The following HECA variants were observed in gnomAD, a reference collection of about 807,000 sequenced individuals.
HECA encodes the protein headcase protein homolog.
HECA carries 13 observed loss-of-function variants against 37.6 expected under a neutral mutation model. That is an observed-to-expected ratio of 0.35 (90% CI 0.23 to 0.55). HECA has a LOEUF of 0.55. Ranked by LOEUF, HECA falls within the 20% of genes least tolerant of loss-of-function variation. The probability of loss-of-function intolerance (pLI) is 0.90; values close to 1 mark genes in which losing one functional copy is unlikely to be tolerated. For synonymous variants in HECA, 307 were observed against 291.5 expected (o/e 1.05, Z -0.54); for missense variants, 527 against 701.9 (o/e 0.75, Z 2.82).
At chr6:139,137,755 C>T (rs947823855) in intron 1 of HECA, among the ~76,000 whole-genome samples, 8 of 151,120 alleles carry the variant, frequency 5.3e-5, no homozygotes, top group African/African-American at 1.9e-4. Context: ...GCTACTTGTA[C>T]CTCCTAGTTT....
rs555196596 is a variant in HECA, at chr6:139,147,633, A to C, written c.271+11966A>C. ...TAAAAAAAGAAAAAAAATGCTTGTCATTCTGGTACTTGAACTGAAATTACA... is the reference window on the plus strand; with the variant it reads ...TAAAAAAAGAAAAAAAATGCTTGTCCTTCTGGTACTTGAACTGAAATTACA... On this transcript the variant is annotated intron_variant, in intron 1 of 3. Coordinates refer to ENST00000367658, the MANE Select transcript of HECA (RefSeq NM_016217.3). Among the ~76,000 whole-genome samples the C allele has an allele frequency of 4.6e-5, 7 of 152,346 alleles. No homozygotes were observed. In the South Asian group the frequency reaches 1.4e-3, roughly 32 times the overall value.
At chr6:139,147,079 T>A (rs911791386) in intron 1 of HECA, among the ~76,000 whole-genome samples, 2 of 152,162 alleles carry the variant, frequency 1.3e-5, no homozygotes, top group African/African-American at 4.8e-5. Flanking sequence ...GCAGTCTACA[T>A]TTGAGTATGA....
intron 1 of HECA, among the ~76,000 whole-genome samples, chr6:139,148,035 C>T (rs796652371): frequency 1.7e-4 from 26 of 152,212 alleles, no homozygotes; most frequent in African/African-American, 6.0e-4. Flanking sequence ...ATAATATTTG[C>T]ATTTTTTGGA....
At chr6:139,160,305 G>T (rs1774781307) in intron 1 of HECA, among the ~76,000 whole-genome samples, 1 of 152,196 alleles carries the variant, frequency 6.6e-6, no homozygotes, top group Non-Finnish European at 1.5e-5. Context: ...TTGCTTGTTA[G>T]ATTATCACAG....
intron 1 of HECA, among the ~76,000 whole-genome samples, chr6:139,138,270 T>G (rs1774474998): frequency 6.6e-6 from 1 of 152,174 alleles, no homozygotes; most frequent in Admixed American, 6.5e-5. Context: ...AGGACCAATA[T>G]TTGGATTTTT....
chr6:139,175,782 T>G (rs1775043585), intron 3 of HECA, among the ~76,000 whole-genome samples: 1 of 152,208 alleles, frequency 6.6e-6, no homozygotes, highest in African/African-American at 2.4e-5. Context: ...ATGAGATTAT[T>G]TCCATGTCTT....
chr6:139,176,869 T>C lies in HECA; in HGVS notation c.1468-72T>C. The stretch of plus-strand genomic sequence containing the variant: ...AGCCCTTGATCAGTTTCCCAGCATT[T>C]TGGTTTGGATGACTTTGACAAGTGT... On this transcript the variant is annotated intron_variant, in intron 3 of 3. Transcript: ENST00000367658. This position sits in a 1 kb window ranked among gnomAD's most constrained non-coding sequence, Gnocchi z 4.5. The C allele has an allele frequency of 3.8e-6, 3 of 786,628 alleles. No individual in the cohort carries two copies. The Admixed American group carries it at 5.7e-5, about 15-fold the overall frequency. 48.7% of individuals were successfully genotyped at this position (786,628 alleles called of 1,614,324 possible). A position where few individuals can be genotyped will look rare whatever the true frequency, so the allele number is the denominator to read the frequency against.
rs1353295227 is a variant in HECA, at chr6:139,178,052, C to T, written c.*947C>T. 1 of 152,152 alleles carries T rather than the reference C, an allele frequency of 6.6e-6. No individual in the cohort carries two copies. Among genetic ancestry groups the T allele is most frequent in the Admixed American group, 6.5e-5 (1 of 15,280 alleles). The allele number at this position is 152,152 out of a possible 1,614,324, so 9.4% of individuals were successfully genotyped here. The stretch of plus-strand genomic sequence containing the variant: ...TATGGCCATGTATAACCAATTAATT[C>T]TGAGTTTCCAAAATCAAAGATTTGA... On this transcript the variant is annotated 3_prime_UTR_variant, in exon 4 of 4. Coordinates refer to ENST00000367658, the MANE Select transcript of HECA (RefSeq NM_016217.3).
intron 1 of HECA, among the ~76,000 whole-genome samples, chr6:139,164,080 A>ACTCTCTCTCTCTCT (rs71549028): frequency 4.1e-5 from 6 of 148,068 alleles, no homozygotes; most frequent in African/African-American, 7.5e-5. Context: ...ACACACACAC[A>ACTCTCTCTCTCTCT]CTCTCTCTCT....
intron 1 of HECA, among the ~76,000 whole-genome samples, chr6:139,152,702 A>G (rs780797182): frequency 3.3e-5 from 5 of 152,194 alleles, no homozygotes; most frequent in Non-Finnish European, 7.4e-5. Flanking sequence ...ATATTTTTGT[A>G]AGTACTAGCC....
At chr6:139,154,773 T>G (rs1312291076) in intron 1 of HECA, among the ~76,000 whole-genome samples, 1 of 152,220 alleles carries the variant, frequency 6.6e-6, no homozygotes, top group Non-Finnish European at 1.5e-5. Context: ...TGCGTTGTAA[T>G]TTACATGGTA....
In HECA at chr6:139,174,366, T is replaced by C; in HGVS notation, c.1313-19T>C. 1 of 1,607,904 alleles carries C rather than the reference T, an allele frequency of 6.2e-7. No homozygotes were observed. The highest frequency in any genetic ancestry group is 1.3e-5 in the African/African-American group (1 of 74,884). Reference sequence around the variant, plus strand: ...ATTTCCATGATGGCCACTCAGAGCCTTGTGTCTTCTGTGCACAGGGAGACT... The same window carrying C: ...ATTTCCATGATGGCCACTCAGAGCCCTGTGTCTTCTGTGCACAGGGAGACT... On this transcript the variant is annotated intron_variant, in intron 2 of 3. Coordinates refer to ENST00000367658, the MANE Select transcript of HECA (RefSeq NM_016217.3).
At chr6:139,151,409 G>T (rs138591847) in intron 1 of HECA, 51 of 152,306 alleles carry the variant, frequency 3.3e-4, no homozygotes, top group African/African-American at 1.2e-3. Context: ...TTGGGAGTTG[G>T]TGTGTTAACT....
chr6:139,150,593 T>C (rs1436566308), intron 1 of HECA, among the ~76,000 whole-genome samples: 2 of 123,998 alleles, frequency 1.6e-5, no homozygotes, highest in Non-Finnish European at 3.2e-5. Flanking sequence ...TCATTTAGAA[T>C]ATATATATAT....
chr6:139,163,837 C>A (rs1382211736), intron 1 of HECA, among the ~76,000 whole-genome samples: 1 of 152,112 alleles, frequency 6.6e-6, no homozygotes, highest in Non-Finnish European at 1.5e-5. Flanking sequence ...TCTCATTAGT[C>A]CTAGGGATTT....
chr6:139,168,410 A>G (rs2114478327), intron 2 of HECA, among the ~76,000 whole-genome samples: 1 of 146,866 alleles, frequency 6.8e-6, no homozygotes, highest in Non-Finnish European at 1.5e-5. Context: ...TTAATTGATT[A>G]TTTTGATTTG....
intron 1 of HECA, among the ~76,000 whole-genome samples, chr6:139,152,609 G>C (rs1393048385): frequency 6.6e-6 from 1 of 152,108 alleles, no homozygotes; most frequent in African/African-American, 2.4e-5. Context: ...CATAAGGGGA[G>C]GTTAAATTAC....
rs1187816125 is a variant in HECA at position 139,166,592 on chromosome 6, G to A, written c.580G>A (p.Val194Met). The A allele has an allele frequency of 6.2e-7, 1 of 1,614,120 alleles. No individual in the cohort carries two copies. Among genetic ancestry groups the A allele is most frequent in the East Asian group, 2.2e-5 (1 of 44,900 alleles). The change falls in exon 2 of 4, where the codon GTG (valine) becomes ATG (methionine). Residue 194 changes from valine to methionine, a missense_variant. By Grantham distance (21) the Val-to-Met change is conservative. This residue lies in a region of HECA where 228 missense variants were observed against 259.8 expected (regional missense o/e 0.88). Transcript: ENST00000367658. ...HLKKDTDWYQ[V>M]KRMQDEKKKK... ...GAAGAAGGACACAGACTGGTATCAGGTGAAGCGGATGCAGGACGAGAAAAA... is the reference window on the plus strand; with the variant it reads ...GAAGAAGGACACAGACTGGTATCAGATGAAGCGGATGCAGGACGAGAAAAA...
intron 2 of HECA, among the ~76,000 whole-genome samples, chr6:139,171,661 T>A (rs927378493): frequency 6.6e-6 from 1 of 152,176 alleles, no homozygotes; most frequent in Non-Finnish European, 1.5e-5. Flanking sequence ...TCTCAGTCTG[T>A]CACCCTGGCT....
Sources: allele counts gnomAD v4.1 joint callset (sites outside exome capture counted in the v4.1 genomes callset), GRCh38; gene constraint gnomAD v4.1.1; regional missense constraint gnomAD v4.1.1; non-coding constraint Gnocchi (gnomAD v3.1); transcripts MANE v1.5; gene names NCBI Gene and HGNC (gene_info 2026-07-23, HGNC 2026-07-21).